PDK1: variants seen among roughly 807,000 people sequenced by gnomAD.
PDK1 encodes the protein pyruvate dehydrogenase kinase 1, also known as [Pyruvate dehydrogenase (acetyl-transferring)] kinase isozyme 1, mitochondrial.
A neutral mutation model predicts 54.2 loss-of-function variants in PDK1; 39 were observed. The observed-to-expected ratio is 0.72, with a 90% CI of 0.56 to 0.94. The LOEUF is 0.94. PDK1 is among the 40% of genes least tolerant of loss of function. PDK1 has a pLI of 0.00. For missense variants in PDK1, 552 were observed against 566.0 expected, an observed-to-expected ratio of 0.98 and a Z score of 0.25; for synonymous variants, 221 against 207.1, an observed-to-expected ratio of 1.07 and a Z score of -0.58.
intron 4 of PDK1, 72 bp from the exon 5 acceptor site, chr2:172,564,906 A>C: frequency 9.4e-7 from 1 of 1,064,978 alleles, no homozygotes; most frequent in Non-Finnish European, 1.5e-6. Context: ...TACAATTTAA[A>C]CAGTATTCAG....
chr2:172,618,201 A>T, the PDK1 span, among the ~76,000 whole-genome samples: 1 of 152,242 alleles, frequency 6.6e-6, no homozygotes, highest in Non-Finnish European at 1.5e-5. Flanking sequence ...AGGACTTATT[A>T]TACAAAGGAG....
chr2:172,563,121 G>T (rs1688745062), intron 3 of PDK1, among the ~76,000 whole-genome samples: 1 of 152,126 alleles, frequency 6.6e-6, no homozygotes, highest in African/African-American at 2.4e-5. Flanking sequence ...CACAAAGAGG[G>T]TAAGTAGTTT....
chr2:172,652,900 G>A, the PDK1 span, among the ~76,000 whole-genome samples: 2 of 152,224 alleles, frequency 1.3e-5, no homozygotes, highest in East Asian at 3.9e-4. Flanking sequence ...ACTGCCCAAG[G>A]TAATTTATAG....
chr2:172,691,512 T>C, the PDK1 span: 1 of 152,240 alleles, frequency 6.6e-6, no homozygotes, highest in Non-Finnish European at 1.5e-5. Flanking sequence ...TTCACCATTA[T>C]AGAATCATTA....
the PDK1 span, among the ~76,000 whole-genome samples, chr2:172,720,394 C>A: frequency 6.6e-6 from 1 of 152,126 alleles, no homozygotes; most frequent in Non-Finnish European, 1.5e-5. Context: ...GGTTTACAGG[C>A]GTGAGCTACT....
Position 172,593,063 on chromosome 2 carries a change from C to T in PDK1, c.1170+15C>T. 8.0e-7 allele frequency: 1 copy of T among 1,244,576 alleles called. No individual in the cohort carries two copies. Among genetic ancestry groups the T allele is most frequent in the Non-Finnish European group, 1.2e-6 (1 of 850,208 alleles). 77.1% of individuals were successfully genotyped at this position (1,244,576 alleles called of 1,614,324 possible). ...TCTACATTAAGGTAATAGCTGTAGT[C>T]TTCTTGATTTAATATTTCTTTTGAT... On this transcript the variant is annotated intron_variant, in intron 10 of 10. Transcript: ENST00000282077.
chr2:172,680,782 C>T, the PDK1 span, among the ~76,000 whole-genome samples: 2 of 152,106 alleles, frequency 1.3e-5, no homozygotes, highest in Non-Finnish European at 1.5e-5. Flanking sequence ...CTCTCTAGTC[C>T]AAAGGGAATA....
the PDK1 span, among the ~76,000 whole-genome samples, chr2:172,662,585 C>T: frequency 0.018 from 2,623 of 149,802 alleles, 77 homozygotes; most frequent in African/African-American, 0.06. Flanking sequence ...AGAAGGCTGT[C>T]GTACTGATTA....
the PDK1 span, among the ~76,000 whole-genome samples, chr2:172,658,828 A>C: frequency 6.6e-6 from 1 of 152,126 alleles, no homozygotes; most frequent in Non-Finnish European, 1.5e-5. Context: ...TTGAGGTCAG[A>C]TTGGTTCTCT....
the PDK1 span, among the ~76,000 whole-genome samples, chr2:172,708,805 T>C: frequency 1.3e-5 from 2 of 152,254 alleles, no homozygotes; most frequent in Admixed American, 6.5e-5. Context: ...CATTTTTCCC[T>C]TGGGAATGCT....
chr2:172,706,451 G>T, the PDK1 span, among the ~76,000 whole-genome samples: 6 of 151,210 alleles, frequency 4.0e-5, no homozygotes, highest in African/African-American at 1.2e-4. Context: ...TTGAGACAGG[G>T]TCTAGCTCTG....
At chr2:172,572,969 A>G (rs754852824) in intron 8 of PDK1, among the ~76,000 whole-genome samples, 18 of 152,206 alleles carry the variant, frequency 1.2e-4, no homozygotes, top group Non-Finnish European at 2.5e-4. Context: ...TTATATGGAT[A>G]TAACACCTTT....
In PDK1 at chr2:172,597,283, T is replaced by G. The variant is rs1281407831; in HGVS notation, c.*1314T>G. 1 of 152,088 alleles carries G rather than the reference T, an allele frequency of 6.6e-6. No individual in the cohort carries two copies. The highest frequency in any genetic ancestry group is 1.9e-4 in the East Asian group (1 of 5,190). 9.4% of individuals were successfully genotyped at this position (152,088 alleles called of 1,614,324 possible). Reference sequence around the variant, plus strand: ...TACCACACCCAGCTAATTTTTTGATTTCTTGTGGAGATGAGGTCTCAGTAT... The same window carrying G: ...TACCACACCCAGCTAATTTTTTGATGTCTTGTGGAGATGAGGTCTCAGTAT... On this transcript the variant is annotated 3_prime_UTR_variant, in exon 11 of 11. Transcript: ENST00000282077.
Position 172,592,955 on chromosome 2 carries a change from G to C in PDK1, c.1077G>C (p.Leu359Phe). Reference protein sequence around the residue: ...AVPLAGFGYGLPISRLYAQYF... With the variant: ...AVPLAGFGYGFPISRLYAQYF... Reference sequence around the variant, plus strand: ...AACAGGCTGGTTTTGGTTATGGATTGCCCATATCACGTCTTTACGCACAAT... The same window carrying C: ...AACAGGCTGGTTTTGGTTATGGATTCCCCATATCACGTCTTTACGCACAAT... Residue 359 changes from leucine to phenylalanine, a missense_variant, in exon 10 of 11, where the codon TTG becomes TTC. Leu to Phe is a conservative substitution (Grantham distance 22). Transcript: ENST00000282077. 6.2e-7 allele frequency: 1 copy of C among 1,610,348 alleles called. No homozygotes were observed.
chr2:172,642,928 T>C, the PDK1 span, among the ~76,000 whole-genome samples: 1 of 152,090 alleles, frequency 6.6e-6, no homozygotes, highest in Non-Finnish European at 1.5e-5. Context: ...TACTCCTCCT[T>C]CTTCTTCTCT....
rs1487117521 is a variant in PDK1, at chr2:172,595,958, C to A, written c.1300C>A (p.Arg434Ser). The change falls in exon 11 of 11, where the codon CGC (arginine) becomes AGC (serine). Residue 434 changes from arginine (R) to serine (S), a missense_variant. Coordinates refer to ENST00000282077, the MANE Select transcript of PDK1 (RefSeq NM_002610.5). ...AGAACCCAAAGACATGACGACGTTC[C>A]GCAGTGCCTAGACACACTTGGGACA... ...SREPKDMTTF[R>S]SA 3.0e-5 allele frequency: 48 copies of A among 1,610,532 alleles called. No homozygotes were observed. Among genetic ancestry groups the A allele is most frequent in the Non-Finnish European group, 4.1e-5 (48 of 1,177,972 alleles).
chr2:172,566,005 G>A (rs1688920333), intron 5 of PDK1, among the ~76,000 whole-genome samples: 1 of 152,148 alleles, frequency 6.6e-6, no homozygotes, highest in Admixed American at 6.5e-5. Flanking sequence ...TATTTTAGAG[G>A]TGAGATTCCT....
chr2:172,621,787 T>TATGTATGATATATGTTTATATCTC, the PDK1 span, among the ~76,000 whole-genome samples: 2 of 147,764 alleles, frequency 1.4e-5, no homozygotes, highest in East Asian at 2.0e-4. Flanking sequence ...TTATATCTCA[T>TATGTATGATATATGTTTATATCTC]ATGTATGATA....
the PDK1 span, among the ~76,000 whole-genome samples, chr2:172,666,056 A>G: frequency 2.8e-4 from 42 of 152,344 alleles, no homozygotes; most frequent in Admixed American, 2.5e-3. Context: ...TTCTGGTAAT[A>G]TAAGAAATAT....
Sources: gnomAD v4.1 joint callset for allele counts (sites outside exome capture counted in the v4.1 genomes callset) on GRCh38, gnomAD v4.1.1 for gene constraint, MANE v1.5 for transcripts, NCBI Gene and HGNC (gene_info 2026-07-23, HGNC 2026-07-21) for gene names.